The following NYNRIN variants were observed in gnomAD, a reference collection of about 807,000 sequenced individuals.
NYNRIN encodes protein NYNRIN.
In NYNRIN, 86 loss-of-function variants were observed where a neutral mutation model predicts 146.6. The observed-to-expected ratio is 0.59, with a 90% CI of 0.49 to 0.70. NYNRIN has a LOEUF of 0.70. Ranked by LOEUF, NYNRIN falls within the 30% of genes least tolerant of loss-of-function variation. The pLI is 0.00. For missense variants in NYNRIN, 2,191 were observed against 2,377.7 expected, an observed-to-expected ratio of 0.92 and a Z score of 1.63; for synonymous variants, 1,027 against 1,001.3, an observed-to-expected ratio of 1.03 and a Z score of -0.48.
In NYNRIN at chr14:24,417,994, A is replaced by G. The variant is rs1173095173; in HGVS notation, c.*548A>G. 3.5e-6 allele frequency: 1 copy of G among 286,594 alleles called. No homozygotes were observed. The highest frequency in any genetic ancestry group is 6.8e-6 in the Non-Finnish European group (1 of 146,810). 17.8% of individuals were successfully genotyped at this position (286,594 alleles called of 1,614,324 possible). On this transcript the variant is annotated 3_prime_UTR_variant, in exon 9 of 9. Transcript: ENST00000382554. ...GGGGAGGCCGCTGCCTCCTAGCCTCACGGTCAGCTTTCTCAAGCCAGGTGT... is the reference window on the plus strand; with the variant it reads ...GGGGAGGCCGCTGCCTCCTAGCCTCGCGGTCAGCTTTCTCAAGCCAGGTGT...
At chr14:24,402,924 A>C (rs1378446517) in intron 2 of NYNRIN, among the ~76,000 whole-genome samples, 1 of 152,182 alleles carries the variant, frequency 6.6e-6, no homozygotes, top group African/African-American at 2.4e-5. Flanking sequence ...AACCATCCCC[A>C]CTGACAGTAT....
Position 24,419,212 on chromosome 14 carries a change from A to G in NYNRIN, c.*1766A>G, listed in dbSNP as rs1471558503. 6.6e-6 allele frequency: 1 copy of G among 152,060 alleles called. No individual in the cohort carries two copies. The highest frequency in any genetic ancestry group is 1.5e-5 in the Non-Finnish European group (1 of 68,016). The allele number at this position is 152,060 out of a possible 1,614,324, so 9.4% of individuals were successfully genotyped here. On this transcript the variant is annotated 3_prime_UTR_variant, in exon 9 of 9. Coordinates refer to ENST00000382554, the MANE Select transcript of NYNRIN (RefSeq NM_025081.3). ...TGTATGCGTTCCCCCTGTTAGCTAC[A>G]TTTGTGATCACATACCCTTCTTTTA...
chr14:24,410,330 G>T lies in NYNRIN; in HGVS notation c.2414+122G>T. 6 of 755,800 alleles carry T rather than the reference G, an allele frequency of 7.9e-6. No individual in the cohort carries two copies. In the South Asian group the frequency reaches 1.1e-4, roughly 14 times the overall value. The allele number at this position is 755,800 out of a possible 1,614,324, so 46.8% of individuals were successfully genotyped here. A position where few individuals can be genotyped will look rare whatever the true frequency, so the allele number is the denominator to read the frequency against. ...CTATGGGCGACATGGGGAAGAGATG[G>T]GAGGGAAGTGGTCCATCCATGTTGA... is the stretch of plus-strand genomic sequence containing the variant. On this transcript the variant is annotated intron_variant, in intron 4 of 8. Transcript: ENST00000382554.
Position 24,411,458 on chromosome 14 carries a change from G to T in NYNRIN, c.2642+8G>T. ...CACCACCTACGATTATAGGTGTGCC[G>T]GTCCCCAGGCCTGCCCTCCTGGGCT... On this transcript the variant is annotated splice_region_variant and intron_variant, in intron 6 of 8. Transcript: ENST00000382554. This position sits in a 1 kb window ranked among gnomAD's most constrained non-coding sequence, Gnocchi z 4.3. 1 of 1,611,868 alleles carries T rather than the reference G, an allele frequency of 6.2e-7. No homozygotes were observed. The highest frequency in any genetic ancestry group is 8.5e-7 in the Non-Finnish European group (1 of 1,178,034).
At chr14:24,407,783 G>A in intron 2 of NYNRIN, 86 bp from the exon 3 acceptor site, 8 of 1,304,614 alleles carry the variant, frequency 6.1e-6, no homozygotes, top group Non-Finnish European at 8.4e-6. Context: ...TGGTTAGTGA[G>A]GGGCTGGCCT....
rs759829542 is a variant in NYNRIN at position 24,417,185 on chromosome 14, C to T, written c.5436C>T (p.Ala1812=). Residue 1812 remains alanine, a synonymous_variant, in exon 9 of 9, where the codon GCC becomes GCT. Coordinates refer to ENST00000382554, the MANE Select transcript of NYNRIN (RefSeq NM_025081.3). ...TGGCTGACAAGGCGAGTGAAAAGGC[C>T]GAGAACAGGCGTTTCAAGCGGGAGA... ...WRVADKASEK[A]ENRRFKRESQ... 21 of 1,613,924 alleles carry T rather than the reference C, an allele frequency of 1.3e-5. No individual in the cohort carries two copies. The highest frequency in any genetic ancestry group is 6.7e-5 in the African/African-American group (5 of 74,928).
chr14:24,406,587 G>A (rs1822083325), intron 2 of NYNRIN, among the ~76,000 whole-genome samples: 1 of 152,212 alleles, frequency 6.6e-6, no homozygotes, highest in African/African-American at 2.4e-5. Context: ...CTGTGGCCTC[G>A]GCCAGGTGGA....
rs996204726 is a variant in NYNRIN, at chr14:24,409,925, G to T, written c.2131G>T (p.Val711Phe). The change falls in exon 4 of 9, where the codon GTC becomes TTC. Residue 711 changes from valine to phenylalanine, a missense_variant. Physicochemically the swap from Val to Phe is conservative, Grantham distance 50 (BLOSUM62 -1). Coordinates refer to ENST00000382554, the MANE Select transcript of NYNRIN (RefSeq NM_025081.3). ...SEVQPTSRAS[V>F]SLLKGQGQAG... The stretch of plus-strand genomic sequence containing the variant: ...GGTCCAGCCTACATCAAGGGCTAGT[G>T]TCTCCTTACTGAAGGGCCAGGGGCA... 2.5e-6 allele frequency: 4 copies of T among 1,613,742 alleles called. No homozygotes were observed. The South Asian group carries it at 4.4e-5, about 18-fold the overall frequency.
intron 6 of NYNRIN, among the ~76,000 whole-genome samples, chr14:24,412,329 C>T (rs539981160): frequency 6.6e-6 from 1 of 152,212 alleles, no homozygotes; most frequent in South Asian, 2.1e-4. Flanking sequence ...TTGGGGAGCC[C>T]GAATGGAAAG....
In NYNRIN at chr14:24,417,472, C is replaced by T. The variant is rs771516657; in HGVS notation, c.*26C>T. On this transcript the variant is annotated 3_prime_UTR_variant, in exon 9 of 9. Coordinates refer to ENST00000382554, the MANE Select transcript of NYNRIN (RefSeq NM_025081.3). ...GCGGGAGCAGCGGGGGTGCCCCCTG[C>T]CCCAGGGCCGTGGGTTTCTGCTGCT... 2 of 1,444,896 alleles carry T rather than the reference C, an allele frequency of 1.4e-6. No homozygotes were observed. The highest frequency in any genetic ancestry group is 1.8e-6 in the Non-Finnish European group (2 of 1,101,290). The allele number at this position is 1,444,896 out of a possible 1,614,324, so 89.5% of individuals were successfully genotyped here. A position where few individuals can be genotyped will look rare whatever the true frequency, so the allele number is the denominator to read the frequency against.
intron 6 of NYNRIN, chr14:24,412,716 C>G: frequency 3.4e-6 from 1 of 292,006 alleles, no homozygotes; most frequent in Non-Finnish European, 6.5e-6. Flanking sequence ...CTGTGCTTGT[C>G]TATGTATGTG....
Position 24,410,202 on chromosome 14 carries a change from C to A in NYNRIN, c.2408C>A (p.Ala803Asp). The A allele has an allele frequency of 6.3e-7, 1 of 1,594,446 alleles. No homozygotes were observed. The highest frequency in any genetic ancestry group is 1.1e-5 in the South Asian group (1 of 88,228). ...GTGGTCATCGATGGCAGCAGTGTGG[C>A]CATGGTGTGAGTAGTCACGGGCGTG... ...RRVVIDGSSV[A>D]MVHGLQHFFS... is the part of the protein sequence containing the mutation. Residue 803 changes from alanine (A) to aspartate (D), a missense_variant, in exon 4 of 9, where the codon GCC becomes GAC. This residue lies in a region of NYNRIN where 1,291 missense variants were observed against 1,417.0 expected (regional missense o/e 0.91). Transcript: ENST00000382554.
intron 2 of NYNRIN, among the ~76,000 whole-genome samples, chr14:24,406,894 C>T (rs1347285977): frequency 7.9e-5 from 12 of 152,238 alleles, no homozygotes; most frequent in South Asian, 2.1e-4. Flanking sequence ...CTAAAGATGG[C>T]AAGTGTGTGC....
At chr14:24,403,969 G>C (rs1004965865) in intron 2 of NYNRIN, among the ~76,000 whole-genome samples, 1 of 152,232 alleles carries the variant, frequency 6.6e-6, no homozygotes, top group African/African-American at 2.4e-5. Flanking sequence ...ATTTGTGTGA[G>C]ATGTTTTTTT....
At position 24,414,938 on chromosome 14, in the gene NYNRIN, C is replaced by T; in HGVS notation, c.3189C>T (p.Pro1063=). Residue 1063 remains proline, a synonymous_variant, in exon 9 of 9, where the codon CCC becomes CCT. Coordinates refer to ENST00000382554, the MANE Select transcript of NYNRIN (RefSeq NM_025081.3). ...DIDLLPGAAS[P]YLGIPWDGKA... ...ACCTCCTGCCAGGGGCAGCTTCTCC[C>T]TACCTGGGCATCCCCTGGGATGGAA... The T allele has an allele frequency of 1.9e-6, 3 of 1,598,728 alleles. No homozygotes were observed. Among genetic ancestry groups the T allele is most frequent in the Middle Eastern group, 1.7e-4 (1 of 6,000 alleles).
chr14:24,407,563 A>G (rs1211606975), intron 2 of NYNRIN, among the ~76,000 whole-genome samples: 1 of 152,218 alleles, frequency 6.6e-6, no homozygotes, highest in Admixed American at 6.5e-5. Context: ...TGAGAAGGTG[A>G]TAGATGCCCC....
In NYNRIN at chr14:24,410,013, A is replaced by G; in HGVS notation, c.2219A>G (p.Gln740Arg). ...TLALSSKHQF[Q>R]MEGLLGAWEG... is the part of the protein sequence containing the mutation. ...GCCCTCAGCAGTAAGCACCAGTTTC[A>G]GATGGAGGGGCTCCTGGGGGCTTGG... The change falls in exon 4 of 9, where the codon CAG becomes CGG. Residue 740 changes from glutamine to arginine, a missense_variant. Around this residue, in one of 3 missense-constraint regions of NYNRIN, gnomAD observed 895 missense variants for 941.2 expected, o/e 0.95. Coordinates refer to ENST00000382554, the MANE Select transcript of NYNRIN (RefSeq NM_025081.3). The G allele has an allele frequency of 6.2e-7, 1 of 1,613,842 alleles. No homozygotes were observed. Among genetic ancestry groups the G allele is most frequent in the Non-Finnish European group, 8.5e-7 (1 of 1,179,818 alleles).
Position 24,416,267 on chromosome 14 carries a change from G to C in NYNRIN, c.4518G>C (p.Pro1506=), listed in dbSNP as rs748051233. The change falls in exon 9 of 9, where the codon CCG becomes CCC. Residue 1506 remains proline, a synonymous_variant. Transcript: ENST00000382554. ...QAGQKLSGSS[P]FSSAFNSLSL... ...GGCAGAAACTGTCTGGCTCCTCACC[G>C]TTTAGTTCTGCCTTTAACTCACTCA... is the stretch of plus-strand genomic sequence containing the variant. 6.2e-7 allele frequency: 1 copy of C among 1,613,868 alleles called. No homozygotes were observed. The highest frequency in any genetic ancestry group is 8.5e-7 in the Non-Finnish European group (1 of 1,179,882).
Position 24,416,216 on chromosome 14 carries a change from C to T in NYNRIN, c.4467C>T (p.Ala1489=), listed in dbSNP as rs575303770. Residue 1489 remains alanine (A), a synonymous_variant, in exon 9 of 9, where the codon GCC becomes GCT. Transcript: ENST00000382554. The part of the protein sequence containing the change: ...LALQLSDSTL[A]DIIARLQAGQ... ...TACAGCTGAGTGACAGCACCCTGGC[C>T]GACATCATTGCCAGGCTGCAGGCTG... 2.7e-5 allele frequency: 44 copies of T among 1,613,970 alleles called. No homozygotes were observed. Among genetic ancestry groups the T allele is most frequent in the South Asian group, 1.5e-4 (14 of 91,088 alleles).
Sources: allele counts gnomAD v4.1 joint callset (sites outside exome capture counted in the v4.1 genomes callset), GRCh38; gene constraint gnomAD v4.1.1; regional missense constraint gnomAD v4.1.1; non-coding constraint Gnocchi (gnomAD v3.1); transcripts MANE v1.5; gene names NCBI Gene and HGNC (gene_info 2026-07-23, HGNC 2026-07-21).